PPEF2: variants seen among roughly 807,000 people sequenced by gnomAD.
PPEF2 encodes the protein serine/threonine-protein phosphatase with EF-hands 2.
A neutral mutation model predicts 84.7 loss-of-function variants in PPEF2; 84 were observed. The observed-to-expected ratio is 0.99, with a 90% CI of 0.83 to 1.19. PPEF2 has a LOEUF of 1.19. PPEF2 is among the 50% of genes most tolerant of loss of function. The probability of loss-of-function intolerance (pLI) is 0.00; values close to 1 mark genes in which losing one functional copy is unlikely to be tolerated. For synonymous variants in PPEF2, 346 were observed against 345.2 expected (o/e 1.00, Z -0.03); for missense variants, 924 against 937.5 (o/e 0.99, Z 0.19).
chr4:75,869,868 A>C (rs4859561), intron 13 of PPEF2, among the ~76,000 whole-genome samples: 2,840 of 151,834 alleles, frequency 0.019, 84 homozygotes, highest in African/African-American at 0.066. Context: ...AAAAAAAAGA[A>C]AAAAGAAAAA....
intron 15 of PPEF2, 65 bp from the exon 16 acceptor site, chr4:75,864,592 C>T: frequency 8.2e-7 from 1 of 1,223,716 alleles, no homozygotes; most frequent in South Asian, 1.2e-5. Flanking sequence ...ATATAATTAA[C>T]ACACAATCAA....
In PPEF2 at chr4:75,888,314, G is replaced by A. The variant is rs778175463; in HGVS notation, c.432C>T (p.Arg144=). 4.7e-5 allele frequency: 76 copies of A among 1,613,466 alleles called. No homozygotes were observed. The South Asian group carries it at 7.4e-4, about 16-fold the overall frequency. The stretch of plus-strand genomic sequence containing the variant: ...TTTCATACAAAAGGTTCAAGACGTA[G>A]CGAGCATGGAGCTGCTACTGGGAGG... ...AFRLKQQLHA[R]YVLNLLYETK... The change falls in exon 6 of 17, where the codon CGC becomes CGT. Residue 144 remains arginine (R), a synonymous_variant. Transcript: ENST00000286719.
intron 2 of PPEF2, among the ~76,000 whole-genome samples, chr4:75,894,329 G>T (rs1358555085): frequency 6.6e-6 from 1 of 152,060 alleles, no homozygotes; most frequent in South Asian, 2.1e-4. Context: ...TTGCCAAAAG[G>T]TGCAATAAAA....
At chr4:75,864,028 A>G (rs557210824) in intron 16 of PPEF2, among the ~76,000 whole-genome samples, 55 of 151,860 alleles carry the variant, frequency 3.6e-4, no homozygotes, top group Non-Finnish European at 6.2e-4. Context: ...ATGTGCCACC[A>G]TGCCCGCCTA....
chr4:75,901,878 CTGCT>C (rs1725131527), intron 1 of PPEF2, among the ~76,000 whole-genome samples: 1 of 152,150 alleles, frequency 6.6e-6, no homozygotes, highest in Non-Finnish European at 1.5e-5. Context: ...AGTGAGAAGA[CTGCT>C]TGAGCCCAGG....
rs367623486 is a variant in PPEF2, at chr4:75,876,554, G to A, written c.1053C>T (p.Ser351=). The part of the protein sequence containing the change: ...QGPIPWFLPE[S]RSLPSSPLRL... The stretch of plus-strand genomic sequence containing the variant: ...GAAGGGGCGAAGAGGGAAGAGAGCG[G>A]CTTTCGGGGAGAAACCATGGGATGG... The change falls in exon 11 of 17, where the codon AGC becomes AGT. Residue 351 remains serine (S), a synonymous_variant. Coordinates refer to ENST00000286719, the MANE Select transcript of PPEF2 (RefSeq NM_006239.3). 37 of 1,614,008 alleles carry A rather than the reference G, an allele frequency of 2.3e-5. No individual in the cohort carries two copies. The highest frequency in any genetic ancestry group is 3.0e-5 in the Non-Finnish European group (35 of 1,180,018).
intron 11 of PPEF2, among the ~76,000 whole-genome samples, chr4:75,874,051 T>C (rs966549337): frequency 4.0e-5 from 6 of 151,760 alleles, no homozygotes; most frequent in Non-Finnish European, 7.4e-5. Context: ...GAAGTTGCAG[T>C]GAGCAGAGAT....
At chr4:75,896,145 T>C (rs1163225324) in intron 2 of PPEF2, 126 bp downstream of exon 2, 1 of 1,018,474 alleles carries the variant, frequency 9.8e-7, no homozygotes, top group Non-Finnish European at 1.5e-6. Context: ...GAAGCTGACC[T>C]CTAAGAGCTG....
intron 8 of PPEF2, chr4:75,883,625 T>C (rs1406505012): frequency 2.3e-5 from 4 of 173,886 alleles, no homozygotes; most frequent in Non-Finnish European, 1.2e-5. Flanking sequence ...GAGACCACCC[T>C]GACTAACACG....
rs988186794 is a variant in PPEF2 at position 75,860,177 on chromosome 4, T to A, written c.*490A>T. 1 of 159,312 alleles carries A rather than the reference T, an allele frequency of 6.3e-6. No individual in the cohort carries two copies. The highest frequency in any genetic ancestry group is 2.4e-5 in the African/African-American group (1 of 41,504). 9.9% of individuals were successfully genotyped at this position (159,312 alleles called of 1,614,324 possible). Reference sequence around the variant, plus strand: ...CAGCCTGACCAACATGGAGAAACCCTGTGTCTACTAAAAATACAAAATTAG... The same window carrying A: ...CAGCCTGACCAACATGGAGAAACCCAGTGTCTACTAAAAATACAAAATTAG... On this transcript the variant is annotated 3_prime_UTR_variant, in exon 17 of 17. Transcript: ENST00000286719.
rs750326860 is a variant in PPEF2 at position 75,884,658 on chromosome 4, G to A, written c.682C>T (p.Leu228=). The A allele has an allele frequency of 3.0e-5, 48 of 1,613,638 alleles. No homozygotes were observed. The highest frequency in any genetic ancestry group is 4.1e-5 in the Non-Finnish European group (48 of 1,179,824). ...EILMILFAFM[L]VYPKEFHLNR... is the part of the protein sequence containing the mutation. ...AGATGGAACTCTTTGGGGTAAACCA[G>A]CATGAAGGCAAAAAGAATCATCAGG... is the stretch of plus-strand genomic sequence containing the variant. Residue 228 remains leucine, a synonymous_variant, in exon 8 of 17, where the codon CTG becomes TTG. Coordinates refer to ENST00000286719, the MANE Select transcript of PPEF2 (RefSeq NM_006239.3).
rs767585976 is a variant in PPEF2, at chr4:75,860,841, G to A, written c.2088C>T (p.Cys696=). Residue 696 remains cysteine, a synonymous_variant, in exon 17 of 17, where the codon TGC becomes TGT. Transcript: ENST00000286719. ...CAATGCTCCGAGCAAGGTCACAGAT[G>A]CAGTCATCTGTAATGTCGATATTCA... The part of the protein sequence containing the change: ...SHMNIDITDD[C]ICDLARSIDF... The A allele has an allele frequency of 6.2e-7, 1 of 1,614,232 alleles. No homozygotes were observed. The highest frequency in any genetic ancestry group is 8.5e-7 in the Non-Finnish European group (1 of 1,180,030).
intron 4 of PPEF2, among the ~76,000 whole-genome samples, 171 bp from the exon 5 acceptor site, chr4:75,890,303 T>G (rs1578014422): frequency 6.6e-6 from 1 of 151,790 alleles, no homozygotes; most frequent in East Asian, 1.9e-4. Context: ...CTAGGCAACA[T>G]AGGGAAACCT....
intron 16 of PPEF2, 78 bp downstream of exon 16, chr4:75,864,362 G>T: frequency 9.1e-7 from 1 of 1,095,442 alleles, no homozygotes; most frequent in Non-Finnish European, 1.4e-6. Flanking sequence ...GAATGAGGAT[G>T]AATCAGGAAG....
chr4:75,891,376 C>T (rs1013451886), intron 4 of PPEF2, among the ~76,000 whole-genome samples: 3 of 152,070 alleles, frequency 2.0e-5, no homozygotes, highest in Admixed American at 6.6e-5. Flanking sequence ...GGACTGGCTG[C>T]GATTCCTTTC....
intron 8 of PPEF2, 44 bp from the exon 9 acceptor site, chr4:75,883,246 C>G: frequency 6.4e-7 from 1 of 1,557,242 alleles, no homozygotes; most frequent in Non-Finnish European, 8.8e-7. Flanking sequence ...AACTGGGTGA[C>G]AATAATCAGG....
chr4:75,875,500 T>G (rs1301573434), intron 11 of PPEF2, among the ~76,000 whole-genome samples: 2 of 152,016 alleles, frequency 1.3e-5, no homozygotes, highest in African/African-American at 4.8e-5. Context: ...TCCCAGCTAC[T>G]GGGGAGGCTG....
Sources: gnomAD v4.1 joint callset for allele counts (sites outside exome capture counted in the v4.1 genomes callset) on GRCh38, gnomAD v4.1.1 for gene constraint, MANE v1.5 for transcripts, NCBI Gene and HGNC (gene_info 2026-07-23, HGNC 2026-07-21) for gene names.